DCLK1: variants seen among roughly 807,000 people sequenced by gnomAD.
The protein encoded by DCLK1 is serine/threonine-protein kinase DCLK1.
DCLK1 carries 16 observed loss-of-function variants against 86.2 expected under a neutral mutation model. That is an observed-to-expected ratio of 0.19 (90% CI 0.13 to 0.28). DCLK1 has a LOEUF of 0.28. Among genes scored for constraint, DCLK1 ranks in the 10% least tolerant of loss-of-function variants. The pLI is 1.00. For synonymous variants in DCLK1, 369 were observed against 370.5 expected, an observed-to-expected ratio of 1.00 and a Z score of 0.05; for missense variants, 590 against 940.2, an observed-to-expected ratio of 0.63 and a Z score of 4.87.
chr13:35,839,373 A>G (rs1487458469), intron 6 of DCLK1, among the ~76,000 whole-genome samples, 197 bp from the exon 7 acceptor site: 1 of 152,148 alleles, frequency 6.6e-6, no homozygotes, highest in African/African-American at 2.4e-5. Flanking sequence ...CCAAGAATAG[A>G]CTGTGATAAC....
rs1273402131 is a variant in DCLK1 at position 35,773,039 on chromosome 13, T to C, written c.*1496A>G. On this transcript the variant is annotated 3_prime_UTR_variant, in exon 17 of 17. Coordinates refer to ENST00000360631, the MANE Select transcript of DCLK1 (RefSeq NM_001330071.2). ...GTGGATCCCAGAGCCCAGCAAACCT[T>C]GGGAATACATTTGAGTTGGGCACCT... 6.6e-6 allele frequency: 1 copy of C among 152,080 alleles called. No individual in the cohort carries two copies. The allele number at this position is 152,080 out of a possible 1,614,324, so 9.4% of individuals were successfully genotyped here.
Position 35,846,159 on chromosome 13 carries a change from A to G in DCLK1, c.1036-6983T>C, listed in dbSNP as rs896646247. On this transcript the variant is annotated intron_variant, in intron 6 of 16. Transcript: ENST00000360631. ...GCTGTGTCAAATGTTTTAACACAAAATGTTTTTTTTTAAAGAGAATACACA... is the reference window on the plus strand; with the variant it reads ...GCTGTGTCAAATGTTTTAACACAAAGTGTTTTTTTTTAAAGAGAATACACA... 9.1e-6 allele frequency: 9 copies of G among 985,186 alleles called. No individual in the cohort carries two copies. The African/African-American group carries it at 1.2e-4, about 13-fold the overall frequency. The allele number at this position is 985,186 out of a possible 1,614,324, so 61.0% of individuals were successfully genotyped here.
chr13:35,962,945 C>T (rs1289463856), intron 3 of DCLK1, among the ~76,000 whole-genome samples: 3 of 152,156 alleles, frequency 2.0e-5, no homozygotes, highest in Non-Finnish European at 4.4e-5. Flanking sequence ...TAGTTGTTTA[C>T]ATTATATATT....
intron 15 of DCLK1, among the ~76,000 whole-genome samples, chr13:35,795,707 G>A (rs1400791132): frequency 6.6e-6 from 1 of 152,168 alleles, no homozygotes; most frequent in Non-Finnish European, 1.5e-5. Flanking sequence ...GATCACCTGA[G>A]GTCGGGAGTA....
chr13:35,962,180 T>G lies in DCLK1; in HGVS notation c.724-14723A>C, dbSNP rs193026146. On this transcript the variant is annotated intron_variant, in intron 3 of 16. Transcript: ENST00000360631. ...GTTGAACTGTGCCCCCCAAAACTTA[T>G]AGGTCAAAGTTTCAATTCCCAGTAC... is the stretch of plus-strand genomic sequence containing the variant. Among the ~76,000 whole-genome samples the G allele has an allele frequency of 2.1e-4, 32 of 152,272 alleles. 1 individual carries two copies. The Middle Eastern group carries it at 0.014, about 65-fold the overall frequency.
Position 36,045,836 on chromosome 13 carries a change from G to C in DCLK1, c.723+66033C>G, listed in dbSNP as rs34186968. Among the ~76,000 whole-genome samples the C allele has an allele frequency of 8.4e-3, 1,270 of 150,958 alleles. 10 individuals carry two copies. Among genetic ancestry groups the C allele is most frequent in the Admixed American group, 0.013 (191 of 15,146 alleles). ...CCACTGTACCCCAGCCTCAGAGACAGAGCAAGACTCCAAGTCAAGAAAAAA... is the reference window on the plus strand; with the variant it reads ...CCACTGTACCCCAGCCTCAGAGACACAGCAAGACTCCAAGTCAAGAAAAAA... On this transcript the variant is annotated intron_variant, in intron 3 of 16. Coordinates refer to ENST00000360631, the MANE Select transcript of DCLK1 (RefSeq NM_001330071.2).
chr13:36,069,950 C>T (rs184375347), intron 3 of DCLK1, among the ~76,000 whole-genome samples: 1 of 152,246 alleles, frequency 6.6e-6, no homozygotes, highest in East Asian at 1.9e-4. Flanking sequence ...GGATGCCTTG[C>T]CTTTAGTGCA....
At chr13:35,779,524 T>C in intron 16 of DCLK1, among the ~76,000 whole-genome samples, 1 of 152,338 alleles carries the variant, frequency 6.6e-6, no homozygotes, top group Non-Finnish European at 1.5e-5. Flanking sequence ...TATTAAACAT[T>C]TCTTAGTGAA....
rs961564647 is a variant in DCLK1 at position 35,771,231 on chromosome 13, C to T, written c.*3304G>A. On this transcript the variant is annotated 3_prime_UTR_variant, in exon 17 of 17. Coordinates refer to ENST00000360631, the MANE Select transcript of DCLK1 (RefSeq NM_001330071.2). ...AAGGGTAAAGGATTGCAATTTTAGC[C>T]TTCATTCATGGATATATTGCTTTCT... 6.6e-6 allele frequency: 1 copy of T among 152,088 alleles called. No homozygotes were observed. The highest frequency in any genetic ancestry group is 6.6e-5 in the Admixed American group (1 of 15,260). 9.4% of individuals were successfully genotyped at this position (152,088 alleles called of 1,614,324 possible).
chr13:35,865,942 T>C (rs1227252814), intron 5 of DCLK1, among the ~76,000 whole-genome samples: 1 of 152,212 alleles, frequency 6.6e-6, no homozygotes, highest in East Asian at 1.9e-4. Context: ...GGTGCTGTGA[T>C]GCTGTGAATT....
intron 3 of DCLK1, among the ~76,000 whole-genome samples, chr13:35,957,392 C>T (rs898775284): frequency 2.6e-5 from 4 of 152,132 alleles, no homozygotes; most frequent in African/African-American, 4.8e-5. Flanking sequence ...CATTCTGGTG[C>T]TATGACTTTC....
At chr13:35,796,836 T>C (rs1386515537) in intron 15 of DCLK1, among the ~76,000 whole-genome samples, 2 of 152,160 alleles carry the variant, frequency 1.3e-5, no homozygotes, top group Non-Finnish European at 2.9e-5. Flanking sequence ...TTTTCCATGA[T>C]GAAAGTGGCA....
rs116809217 is a variant in DCLK1, at chr13:35,904,557, G to A, written c.824-33217C>T. ...TATCAAACATTGCACTTGCTGCTCT[G>A]ATAAGAAAGAAGGGAGATGGGGAAA... On this transcript the variant is annotated intron_variant, in intron 4 of 16. Coordinates refer to ENST00000360631, the MANE Select transcript of DCLK1 (RefSeq NM_001330071.2). Among the ~76,000 whole-genome samples the A allele has an allele frequency of 4.9e-3, 743 of 152,266 alleles. 4 individuals are homozygous for A. The highest frequency in any genetic ancestry group is 0.016 in the African/African-American group (682 of 41,544).
chr13:36,052,432 C>T (rs1289015072), intron 3 of DCLK1, among the ~76,000 whole-genome samples: 1 of 152,008 alleles, frequency 6.6e-6, no homozygotes, highest in African/African-American at 2.4e-5. Flanking sequence ...TCAGCAAGTC[C>T]AGGTAGCAAA....
intron 3 of DCLK1, among the ~76,000 whole-genome samples, chr13:35,978,282 T>C (rs746035368): frequency 1.3e-4 from 19 of 149,896 alleles, no homozygotes; most frequent in Non-Finnish European, 2.7e-4. Context: ...CTCGGCTCAT[T>C]GCAACCTCTG....
intron 4 of DCLK1, among the ~76,000 whole-genome samples, chr13:35,908,892 T>A (rs1211988902): frequency 6.6e-6 from 1 of 152,202 alleles, no homozygotes; most frequent in African/African-American, 2.4e-5. Context: ...CACCTCGGTC[T>A]CCCAAAGTGT....
At chr13:35,811,833 TG>T (rs2087152525) in intron 11 of DCLK1, among the ~76,000 whole-genome samples, 1 of 149,634 alleles carries the variant, frequency 6.7e-6, no homozygotes, top group African/African-American at 2.5e-5. Context: ...AAAATCTGTC[TG>T]AAAAAAAAAA....
intron 15 of DCLK1, among the ~76,000 whole-genome samples, chr13:35,799,959 T>C (rs1004845204): frequency 5.9e-5 from 9 of 152,174 alleles, no homozygotes; most frequent in African/African-American, 1.7e-4. Context: ...TAAGGAAACA[T>C]AGTTGGGATA....
intron 15 of DCLK1, among the ~76,000 whole-genome samples, chr13:35,801,936 A>G (rs1248659603): frequency 1.3e-5 from 2 of 152,178 alleles, no homozygotes; most frequent in South Asian, 2.1e-4. Flanking sequence ...TCTTCTAGCA[A>G]ACATGCACAT....
Sources: gnomAD v4.1 joint callset for allele counts (sites outside exome capture counted in the v4.1 genomes callset) on GRCh38, gnomAD v4.1.1 for gene constraint, MANE v1.5 for transcripts, NCBI Gene and HGNC (gene_info 2026-07-23, HGNC 2026-07-21) for gene names.